ADGRL2: variants seen among roughly 807,000 people sequenced by gnomAD.
ADGRL2 encodes the protein calcium-independent alpha-latrotoxin receptor 2.
In ADGRL2, 44 loss-of-function variants were observed where a neutral mutation model predicts 157.4. The observed-to-expected ratio is 0.28, with a 90% CI of 0.22 to 0.36. The LOEUF (loss-of-function observed/expected upper bound fraction) is 0.36, where lower values mean the gene tolerates loss of function less well. ADGRL2 is among the 10% of genes least tolerant of loss of function. The pLI is 1.00. For synonymous variants in ADGRL2, 585 were observed against 624.7 expected, an observed-to-expected ratio of 0.94 and a Z score of 0.95; for missense variants, 1,510 against 1,768.9, an observed-to-expected ratio of 0.85 and a Z score of 2.63.
In ADGRL2 at chr1:81,986,341, C is replaced by T. The variant is rs3790870; in HGVS notation, c.3509-560C>T. 1.1e-4 allele frequency among the ~76,000 whole-genome samples: 16 copies of T among 152,054 alleles called. No homozygotes were observed. The South Asian group carries it at 1.7e-3, about 16-fold the overall frequency. ...AGAATTTGTGAATGATCTAATAATT[C>T]ATTTTATAGTCTTTTTTTTCTCAGC... On this transcript the variant is annotated intron_variant, in intron 21 of 23. Coordinates refer to ENST00000686636, the MANE Select transcript of ADGRL2 (RefSeq NM_001366006.2).
intron 2 of ADGRL2, among the ~76,000 whole-genome samples, chr1:81,503,767 G>A (rs898197007): frequency 6.6e-6 from 1 of 152,142 alleles, no homozygotes; most frequent in Non-Finnish European, 1.5e-5. Context: ...CTCCCAGCTC[G>A]GGGCACAGTG....
At chr1:81,887,173 C>T (rs2094146279) in intron 2 of ADGRL2, among the ~76,000 whole-genome samples, 2 of 152,152 alleles carry the variant, frequency 1.3e-5, no homozygotes, top group African/African-American at 4.8e-5. Context: ...TCACTTGAAG[C>T]TTCAAATTTC....
intron 3 of ADGRL2, among the ~76,000 whole-genome samples, chr1:81,608,125 A>G (rs2081470856): frequency 6.6e-6 from 1 of 152,168 alleles, no homozygotes. Context: ...TTTCTGCTAC[A>G]CTGAGTGGCA....
At chr1:81,656,827 T>G (rs1321264752) in intron 3 of ADGRL2, among the ~76,000 whole-genome samples, 1 of 151,880 alleles carries the variant, frequency 6.6e-6, no homozygotes, top group Non-Finnish European at 1.5e-5. Context: ...CTGGGCAACA[T>G]GGCAAAACCC....
At chr1:81,775,771 C>A (rs893120305) in intron 2 of ADGRL2, among the ~76,000 whole-genome samples, 2 of 152,118 alleles carry the variant, frequency 1.3e-5, no homozygotes, top group East Asian at 1.9e-4. Flanking sequence ...TCAGTTCAGT[C>A]TTTACTGTCC....
chr1:81,759,530 A>T (rs2085800148), intron 1 of ADGRL2, among the ~76,000 whole-genome samples: 1 of 152,158 alleles, frequency 6.6e-6, no homozygotes, highest in Non-Finnish European at 1.5e-5. Flanking sequence ...TTTAAATCAG[A>T]ATTCAGGACA....
At chr1:81,849,109 T>C (rs1397002519) in intron 2 of ADGRL2, among the ~76,000 whole-genome samples, 1 of 151,944 alleles carries the variant, frequency 6.6e-6, no homozygotes, top group Non-Finnish European at 1.5e-5. Flanking sequence ...GATTGTGTGA[T>C]CTTGCTTTAT....
chr1:81,381,392 G>C (rs1051603161), intron 1 of ADGRL2, among the ~76,000 whole-genome samples: 3 of 151,910 alleles, frequency 2.0e-5, no homozygotes, highest in African/African-American at 7.3e-5. Flanking sequence ...GTTTAAACTA[G>C]AAACTCTTTC....
chr1:81,500,722 G>A (rs907348329), intron 2 of ADGRL2, among the ~76,000 whole-genome samples: 1 of 152,140 alleles, frequency 6.6e-6, no homozygotes, highest in Non-Finnish European at 1.5e-5. Flanking sequence ...TGTGAAAATG[G>A]ATACTAGTGA....
At chr1:81,984,114 CA>C (rs1662422397) in intron 19 of ADGRL2, among the ~76,000 whole-genome samples, 1 of 151,866 alleles carries the variant, frequency 6.6e-6, no homozygotes, top group Admixed American at 6.6e-5. Context: ...TGCAATCCAG[CA>C]AAAGAGGTTT....
intron 3 of ADGRL2, among the ~76,000 whole-genome samples, chr1:81,624,153 G>A (rs943990564): frequency 3.3e-5 from 5 of 152,182 alleles, no homozygotes; most frequent in Admixed American, 2.0e-4. Context: ...CTGGATTTCA[G>A]ACTTCTGTTA....
At chr1:81,868,174 TA>T (rs1327368320) in intron 2 of ADGRL2, among the ~76,000 whole-genome samples, 1 of 151,992 alleles carries the variant, frequency 6.6e-6, no homozygotes, top group Non-Finnish European at 1.5e-5. Context: ...GGCATTGCAG[TA>T]GGCAGTGCTA....
intron 1 of ADGRL2, among the ~76,000 whole-genome samples, chr1:81,731,826 T>C (rs978760387): frequency 2.0e-5 from 3 of 152,188 alleles, no homozygotes; most frequent in Non-Finnish European, 4.4e-5. Context: ...AGATTATTGA[T>C]TGATCAACTC....
At position 81,584,931 on chromosome 1, in the gene ADGRL2, G is replaced by A. The variant is rs1050036050; in HGVS notation, c.-143+3951G>A. ...GGGCATTAGGAAGTAAATCCTAAGC[G>A]CTGGCTGAAAAATAATGACAAGCCA... On this transcript the variant is annotated intron_variant, in intron 3 of 24. Transcript: ENST00000370721. 1.4e-4 allele frequency among the ~76,000 whole-genome samples: 22 copies of A among 152,044 alleles called. 1 individual carries two copies. Among genetic ancestry groups the A allele is most frequent in the South Asian group, 2.1e-4 (1 of 4,830 alleles).
chr1:81,423,358 G>A (rs1024766982), intron 1 of ADGRL2, among the ~76,000 whole-genome samples: 2 of 152,276 alleles, frequency 1.3e-5, no homozygotes, highest in Admixed American at 6.5e-5. Flanking sequence ...TGGCAGGCAG[G>A]CATGCCCAGG....
intron 1 of ADGRL2, among the ~76,000 whole-genome samples, chr1:81,730,779 C>T (rs552384644): frequency 6.6e-6 from 1 of 151,954 alleles, no homozygotes; most frequent in African/African-American, 2.4e-5. Context: ...AACCACTGAT[C>T]CAGAAAATAT....
At chr1:81,789,404 G>A (rs961870731) in intron 2 of ADGRL2, among the ~76,000 whole-genome samples, 5 of 152,076 alleles carry the variant, frequency 3.3e-5, no homozygotes, top group African/African-American at 9.7e-5. Flanking sequence ...GCAAAATACT[G>A]TACTAATACA....
chr1:81,796,320 T>C (rs1157847753), upstream of ADGRL2, among the ~76,000 whole-genome samples: 1 of 152,160 alleles, frequency 6.6e-6, no homozygotes, highest in East Asian at 1.9e-4. Flanking sequence ...GTACTGTTAA[T>C]GAGAAAACAA....
At chr1:81,764,550 T>A (rs1490084045) in intron 2 of ADGRL2, among the ~76,000 whole-genome samples, 8 of 152,222 alleles carry the variant, frequency 5.3e-5, no homozygotes, top group African/African-American at 1.9e-4. Flanking sequence ...CATAAAATTA[T>A]AACAGAATTG....
Sources: gnomAD v4.1 joint callset for allele counts (sites outside exome capture counted in the v4.1 genomes callset) on GRCh38, gnomAD v4.1.1 for gene constraint, MANE v1.5 for transcripts, NCBI Gene and HGNC (gene_info 2026-07-23, HGNC 2026-07-21) for gene names.